The following SYNE2 variants were observed in gnomAD, a reference collection of about 807,000 sequenced individuals.
The protein encoded by SYNE2 is nesprin-2.
Under a neutral mutation model 856.3 loss-of-function variants are expected in SYNE2, and 431 were observed. The observed-to-expected ratio is 0.50, with a 90% CI of 0.47 to 0.55. The LOEUF (loss-of-function observed/expected upper bound fraction) is 0.55. Among genes scored for constraint, SYNE2 ranks in the 20% least tolerant of loss-of-function variants. SYNE2 has a pLI of 0.00. For synonymous variants in SYNE2, 2,923 were observed against 2,872.3 expected, an observed-to-expected ratio of 1.02 and a Z score of -0.56; for missense variants, 8,129 against 8,023.2, an observed-to-expected ratio of 1.01 and a Z score of -0.50.
In SYNE2 at chr14:64,225,742, G is replaced by A. The variant is rs377217634; in HGVS notation, c.*216G>A. 6.5e-5 allele frequency: 40 copies of A among 615,282 alleles called. No homozygotes were observed. In the African/African-American group the frequency reaches 6.8e-4, roughly 10 times the overall value. 38.1% of individuals were successfully genotyped at this position (615,282 alleles called of 1,614,324 possible). On this transcript the variant is annotated 3_prime_UTR_variant, in exon 116 of 116. Transcript: ENST00000555002. Reference sequence around the variant, plus strand: ...AGGGAACCTGTGTGGCAGGTGCCCCGGGTATTTTGGCAGAACTAGTTGATT... The same window carrying A: ...AGGGAACCTGTGTGGCAGGTGCCCCAGGTATTTTGGCAGAACTAGTTGATT...
chr14:63,780,305 G>A (rs547847156), intron 1 of SYNE2, among the ~76,000 whole-genome samples: 30 of 152,156 alleles, frequency 2.0e-4, no homozygotes, highest in Non-Finnish European at 3.8e-4. Flanking sequence ...AGGCCGAGGC[G>A]GGCAGACGAT....
Position 63,847,014 on chromosome 14 carries a change from G to A in SYNE2, c.-304-5487G>A, listed in dbSNP as rs746089698. 1.4e-3 allele frequency among the ~76,000 whole-genome samples: 218 copies of A among 151,552 alleles called. 1 individual carries two copies. The highest frequency in any genetic ancestry group is 2.3e-3 in the Non-Finnish European group (155 of 67,884). On this transcript the variant is annotated intron_variant, in intron 1 of 23. Coordinates refer to the SYNE2 transcript ENST00000674003. ...AAAATTAAAAAAAAATAGAGACAAA[G>A]TCTTGCCGTGTTGCCCAGGTTGGTC... is the stretch of plus-strand genomic sequence containing the variant.
chr14:63,895,903 A>G (rs767928989), intron 1 of SYNE2, among the ~76,000 whole-genome samples: 5 of 152,280 alleles, frequency 3.3e-5, no homozygotes, highest in Non-Finnish European at 7.4e-5. Flanking sequence ...CCTTACAGAA[A>G]GTCTGTGACT....
chr14:64,112,838 TCTAA>T (rs1157693727), intron 65 of SYNE2, among the ~76,000 whole-genome samples: 2 of 152,364 alleles, frequency 1.3e-5, no homozygotes, highest in South Asian at 2.1e-4. Flanking sequence ...ATTTTTATAA[TCTAA>T]CTATTTGAGA....
intron 52 of SYNE2, among the ~76,000 whole-genome samples, chr14:64,072,516 T>C (rs79425369): frequency 6.6e-6 from 1 of 151,960 alleles, no homozygotes; most frequent in Admixed American, 6.6e-5. Flanking sequence ...TTTTTTTTTT[T>C]TGAGACAGAG....
At chr14:64,155,049 AAG>A (rs2098274503) in intron 85 of SYNE2, among the ~76,000 whole-genome samples, 1 of 152,184 alleles carries the variant, frequency 6.6e-6, no homozygotes, top group Admixed American at 6.5e-5. Flanking sequence ...GGAGTTGGAA[AAG>A]AGTCTGGCAG....
chr14:63,849,207 G>C (rs1054818708), upstream of SYNE2, among the ~76,000 whole-genome samples: 1 of 149,462 alleles, frequency 6.7e-6, no homozygotes, highest in African/African-American at 2.5e-5. Context: ...GCCAAAGATT[G>C]TTCCTTGAGT....
Position 64,113,518 on chromosome 14 carries a change from A to T in SYNE2, c.12787A>T (p.Thr4263Ser). ...AGCCAACGTGGCAGTTGAGCCGGAA[A>T]CATTAAACGCAGACATGCAGCAGGT... ...QQANVAVEPETLNADMQQVLE... is the reference protein window; with the variant it reads ...QQANVAVEPESLNADMQQVLE... Residue 4263 changes from threonine to serine, a missense_variant, in exon 66 of 116, where the codon ACA becomes TCA. Coordinates refer to ENST00000555002, the MANE Select transcript of SYNE2 (RefSeq NM_182914.3). The T allele has an allele frequency of 6.2e-7, 1 of 1,613,932 alleles. No homozygotes were observed. The highest frequency in any genetic ancestry group is 8.5e-7 in the Non-Finnish European group (1 of 1,179,908).
At chr14:64,225,074 C>A in intron 115 of SYNE2, 29 bp downstream of exon 115, 2 of 1,610,006 alleles carry the variant, frequency 1.2e-6, no homozygotes, top group Non-Finnish European at 1.7e-6. Flanking sequence ...GACAGCAGTG[C>A]GTTCCCCTGC....
intron 1 of SYNE2, among the ~76,000 whole-genome samples, chr14:63,784,382 A>T (rs1887434940): frequency 6.6e-6 from 1 of 152,040 alleles, no homozygotes; most frequent in Non-Finnish European, 1.5e-5. Flanking sequence ...CTGTAGTCCC[A>T]GCTGGTCGGG....
chr14:64,218,640 A>C, intron 109 of SYNE2, 128 bp downstream of exon 109: 1 of 847,964 alleles, frequency 1.2e-6, no homozygotes, highest in East Asian at 2.7e-5. Flanking sequence ...ACCCTACAAC[A>C]ACCAATGTTA....
chr14:64,074,099 C>G lies in SYNE2; in HGVS notation c.10829C>G (p.Ala3610Gly), dbSNP rs1567218100. The change falls in exon 53 of 116, where the codon GCA becomes GGA. Residue 3610 changes from alanine to glycine, a missense_variant. Physicochemically the swap from Ala to Gly is moderately conservative, Grantham distance 60 (BLOSUM62 0). Transcript: ENST00000555002. The stretch of plus-strand genomic sequence containing the variant: ...ACCACAACTTCATTCCAAAATATGG[C>G]ATTCCAGGATCACCCAGAAAAGTCA... Reference protein sequence around the residue: ...QQTTTSFQNMAFQDHPEKSEQ... With the variant: ...QQTTTSFQNMGFQDHPEKSEQ... 2.5e-6 allele frequency: 4 copies of G among 1,614,142 alleles called. No individual in the cohort carries two copies. The highest frequency in any genetic ancestry group is 3.4e-6 in the Non-Finnish European group (4 of 1,179,996).
At chr14:63,823,435 C>A (rs372557864) in intron 1 of SYNE2, among the ~76,000 whole-genome samples, 5 of 152,122 alleles carry the variant, frequency 3.3e-5, no homozygotes, top group Admixed American at 6.6e-5. Flanking sequence ...CCTCAGCCTC[C>A]CAAAGTGCTG....
chr14:63,974,521 T>A (rs931672084), intron 11 of SYNE2, among the ~76,000 whole-genome samples: 1 of 152,046 alleles, frequency 6.6e-6, no homozygotes, highest in African/African-American at 2.4e-5. Context: ...TCAGAGGAGA[T>A]AAACATTCAA....
At chr14:64,073,925 G>T in intron 52 of SYNE2, 43 bp from the exon 53 acceptor site, 2 of 1,589,410 alleles carry the variant, frequency 1.3e-6, no homozygotes, top group South Asian at 1.1e-5. Context: ...ATTCATAGAA[G>T]AGCAGGATAA....
chr14:63,909,227 G>C lies in SYNE2; in HGVS notation c.79G>C (p.Ala27Pro). 4 of 1,609,796 alleles carry C rather than the reference G, an allele frequency of 2.5e-6. No homozygotes were observed. The highest frequency in any genetic ancestry group is 3.4e-6 in the Non-Finnish European group (4 of 1,176,906). Residue 27 changes from alanine (A) to proline (P), a missense_variant and splice_region_variant, in exon 2 of 116, where the codon GCT becomes CCT. This residue lies in a region of SYNE2 where 2,422 missense variants were observed against 2,357.4 expected (regional missense o/e 1.03). Coordinates refer to ENST00000555002, the MANE Select transcript of SYNE2 (RefSeq NM_182914.3). ...GIDDLHISLQ[A>P]EQEDTQKKAF... The stretch of plus-strand genomic sequence containing the variant: ...CGACGATCTCCATATTTCATTGCAA[G>C]GTAATTAAGATTGGGTGGGGGTAAC...
At chr14:64,191,127 T>C in intron 99 of SYNE2, 1 of 461,720 alleles carries the variant, frequency 2.2e-6, no homozygotes, top group Non-Finnish European at 3.8e-6. Context: ...AAAAGTAAGA[T>C]ACTTTTATCT....
chr14:64,204,478 G>A (rs980627895), intron 100 of SYNE2: 14 of 152,212 alleles, frequency 9.2e-5, no homozygotes, highest in Admixed American at 9.2e-4. Context: ...GCTGTTGATT[G>A]TGTGTTAATT....
intron 14 of SYNE2, among the ~76,000 whole-genome samples, chr14:63,979,270 TAATATAA>T (rs2096567902): frequency 6.6e-6 from 1 of 152,236 alleles, no homozygotes; most frequent in African/African-American, 2.4e-5. Context: ...TCTATTAATG[TAATATAA>T]AAGGTTTCCA....
Sources: gnomAD v4.1 joint callset for allele counts (sites outside exome capture counted in the v4.1 genomes callset) on GRCh38, gnomAD v4.1.1 for gene constraint, gnomAD v4.1.1 regional missense constraint, MANE v1.5 for transcripts, NCBI Gene and HGNC (gene_info 2026-07-23, HGNC 2026-07-21) for gene names.